The following GNAI3 variants were observed in gnomAD, a reference collection of about 807,000 sequenced individuals.
The protein encoded by GNAI3 is G protein subunit alpha i3.
Under a neutral mutation model 41.8 loss-of-function variants are expected in GNAI3, and 12 were observed. The observed-to-expected ratio is 0.29, with a 90% confidence interval of 0.18 to 0.47. The LOEUF (loss-of-function observed/expected upper bound fraction) is 0.47, where lower values mean the gene tolerates loss of function less well. GNAI3 is among the 20% of genes least tolerant of loss of function. GNAI3 has a pLI of 1.00. For synonymous variants in GNAI3, 132 were observed against 146.5 expected (o/e 0.90, Z 0.71); for missense variants, 360 against 429.6 (o/e 0.84, Z 1.43).
At chr1:109,572,731 T>C (rs1183580473) in intron 1 of GNAI3, among the ~76,000 whole-genome samples, 1 of 151,768 alleles carries the variant, frequency 6.6e-6, no homozygotes, top group Non-Finnish European at 1.5e-5. Flanking sequence ...AGATGGAAAA[T>C]AGTATAGTAA....
At chr1:109,558,989 C>T (rs1648235336) in intron 1 of GNAI3, among the ~76,000 whole-genome samples, 1 of 151,864 alleles carries the variant, frequency 6.6e-6, no homozygotes. Flanking sequence ...CCAGCCTGGC[C>T]AGCATGGTGA....
chr1:109,558,928 C>T (rs766802262), intron 1 of GNAI3, among the ~76,000 whole-genome samples: 1 of 152,064 alleles, frequency 6.6e-6, no homozygotes, highest in African/African-American at 2.4e-5. Flanking sequence ...CCTGTAATCC[C>T]AGCACTTTGG....
At position 109,574,037 on chromosome 1, in the gene GNAI3, A is replaced by C. The variant is rs1482647159; in HGVS notation, c.303A>C (p.Ala101=). ...TTGACTTTGGGGAAGCTGCCAGGGC[A>C]GTAAGTGTTTCTCATTTCCTCTTCA... ...LKIDFGEAAR[A]DDARQLFVLA... is the part of the protein sequence containing the mutation. The change falls in exon 3 of 9, where the codon GCA becomes GCC. Residue 101 remains alanine (A), a splice_region_variant and synonymous_variant. Coordinates refer to ENST00000369851, the MANE Select transcript of GNAI3 (RefSeq NM_006496.4). The C allele has an allele frequency of 6.2e-7, 1 of 1,602,396 alleles. No individual in the cohort carries two copies. The highest frequency in any genetic ancestry group is 8.5e-7 in the Non-Finnish European group (1 of 1,175,904).
chr1:109,568,027 C>G (rs1468180894), intron 1 of GNAI3, among the ~76,000 whole-genome samples: 1 of 149,038 alleles, frequency 6.7e-6, no homozygotes, highest in East Asian at 2.0e-4. Context: ...TAAAATCAGT[C>G]TGTATGTGAG....
intron 1 of GNAI3, among the ~76,000 whole-genome samples, chr1:109,552,822 C>G (rs1432404931): frequency 6.6e-6 from 1 of 151,918 alleles, no homozygotes; most frequent in Non-Finnish European, 1.5e-5. Context: ...TGTGTGCCAT[C>G]ATGTGACAAA....
At chr1:109,560,209 G>C (rs1446926034) in intron 1 of GNAI3, among the ~76,000 whole-genome samples, 6 of 152,104 alleles carry the variant, frequency 3.9e-5, no homozygotes, top group African/African-American at 1.4e-4. Context: ...ATTGCTGTTA[G>C]GGCTTCTTTT....
At chr1:109,585,408 T>C (rs1649011490) in intron 5 of GNAI3, among the ~76,000 whole-genome samples, 2 of 152,210 alleles carry the variant, frequency 1.3e-5, no homozygotes, top group Admixed American at 6.5e-5. Flanking sequence ...GTTGAGACTT[T>C]ATTAATTAGG....
rs554224375 is a variant in GNAI3, at chr1:109,586,906, T to C, written c.874+24T>C. Reference sequence around the variant, plus strand: ...AGGTAAGGGGTTATGAAAGATTTTATTGGAGGTACACATCTTACTTAGATC... The same window carrying C: ...AGGTAAGGGGTTATGAAAGATTTTACTGGAGGTACACATCTTACTTAGATC... On this transcript the variant is annotated intron_variant, in intron 7 of 8. Coordinates refer to ENST00000369851, the MANE Select transcript of GNAI3 (RefSeq NM_006496.4). The C allele has an allele frequency of 9.9e-6, 15 of 1,519,508 alleles. No homozygotes were observed. The African/African-American group carries it at 1.9e-4, about 19-fold the overall frequency. 94.1% of individuals were successfully genotyped at this position (1,519,508 alleles called of 1,614,324 possible).
At chr1:109,592,019 G>C in intron 7 of GNAI3, 24 bp from the exon 8 acceptor site, 1 of 1,525,550 alleles carries the variant, frequency 6.6e-7, no homozygotes, top group Non-Finnish European at 9.0e-7. Context: ...AATTTGAACT[G>C]AGAGTACTGG....
At chr1:109,551,927 C>T (rs543444722) in intron 1 of GNAI3, among the ~76,000 whole-genome samples, 29 of 152,042 alleles carry the variant, frequency 1.9e-4, no homozygotes, top group Admixed American at 1.6e-3. Flanking sequence ...TTTGGGAGGC[C>T]GAGGCTGGTG....
chr1:109,563,803 G>T (rs1470127758), intron 1 of GNAI3, among the ~76,000 whole-genome samples: 1 of 152,130 alleles, frequency 6.6e-6, no homozygotes, highest in Non-Finnish European at 1.5e-5. Context: ...TTACCCTCTG[G>T]AAATGTTTAA....
chr1:109,572,761 T>C (rs893980855), intron 1 of GNAI3, among the ~76,000 whole-genome samples: 1 of 152,114 alleles, frequency 6.6e-6, no homozygotes, highest in African/African-American at 2.4e-5. Flanking sequence ...CTGATGAGAA[T>C]GACCCAGTGG....
At chr1:109,552,396 T>A (rs1648002472) in intron 1 of GNAI3, among the ~76,000 whole-genome samples, 1 of 152,210 alleles carries the variant, frequency 6.6e-6, no homozygotes. Context: ...ATCTTTGGTA[T>A]GATTTCCTCT....
chr1:109,587,052 A>G (rs867625760), intron 7 of GNAI3, among the ~76,000 whole-genome samples, 170 bp downstream of exon 7: 1 of 152,152 alleles, frequency 6.6e-6, no homozygotes, highest in Non-Finnish European at 1.5e-5. Context: ...CAAGAGTGCC[A>G]TATCAGACAC....
intron 1 of GNAI3, among the ~76,000 whole-genome samples, chr1:109,567,854 G>A (rs1298906754): frequency 6.6e-6 from 1 of 152,112 alleles, no homozygotes; most frequent in Non-Finnish European, 1.5e-5. Flanking sequence ...TTCAGATGAG[G>A]AAATTCATTG....
chr1:109,588,917 A>C lies in GNAI3; in HGVS notation c.874+2035A>C, dbSNP rs533296546. On this transcript the variant is annotated intron_variant, in intron 7 of 8. Transcript: ENST00000369851. The stretch of plus-strand genomic sequence containing the variant: ...TCAATCAATCAATCAATCAATCAAT[A>C]AAGTGAAGGGGTAAAGCAGGGGTAA... 6.7e-5 allele frequency among the ~76,000 whole-genome samples: 10 copies of C among 148,156 alleles called. No homozygotes were observed. The South Asian group carries it at 8.6e-4, about 13-fold the overall frequency.
chr1:109,591,971 G>T (rs888097187), intron 7 of GNAI3, 72 bp from the exon 8 acceptor site: 1 of 831,006 alleles, frequency 1.2e-6, no homozygotes, highest in Non-Finnish European at 1.9e-6. Context: ...TAAGTAAATG[G>T]TAATGGTCTG....
chr1:109,587,134 A>G (rs1327496863), intron 7 of GNAI3, among the ~76,000 whole-genome samples: 1 of 152,286 alleles, frequency 6.6e-6, no homozygotes, highest in Non-Finnish European at 1.5e-5. Flanking sequence ...GAGAAAAAGT[A>G]AATTTGGGAG....
chr1:109,562,850 A>G (rs531840697), intron 1 of GNAI3, among the ~76,000 whole-genome samples: 125 of 152,328 alleles, frequency 8.2e-4, no homozygotes, highest in Admixed American at 2.2e-3. Context: ...GCTTTGATAA[A>G]TGATTTAGCA....
Sources: gnomAD v4.1 joint callset for allele counts (sites outside exome capture counted in the v4.1 genomes callset) on GRCh38, gnomAD v4.1.1 for gene constraint, MANE v1.5 for transcripts, NCBI Gene and HGNC (gene_info 2026-07-23, HGNC 2026-07-21) for gene names.